The following CAPSL variants were observed in gnomAD, a reference collection of about 807,000 sequenced individuals.
CAPSL encodes the protein calcyphosine like.
A neutral mutation model predicts 21.3 loss-of-function variants in CAPSL; 17 were observed. The observed-to-expected ratio is 0.80, with a 90% confidence interval of 0.55 to 1.20. CAPSL has a LOEUF of 1.20. Ranked by LOEUF, CAPSL falls within the 50% of genes most tolerant of loss-of-function variation. CAPSL has a pLI of 0.00. For synonymous variants in CAPSL, 102 were observed against 89.3 expected (o/e 1.14, Z -0.80); for missense variants, 289 against 259.3 (o/e 1.11, Z -0.79).
At position 35,927,586 on chromosome 5, in the gene CAPSL, T is replaced by C. The variant is rs573575057; in HGVS notation, c.1-6466A>G. ...AAGACAAAACATTCCCTATTTCTTCTAGCTCGGGCTTGATCCTGAGCACTG... is the reference window on the plus strand; with the variant it reads ...AAGACAAAACATTCCCTATTTCTTCCAGCTCGGGCTTGATCCTGAGCACTG... On this transcript the variant is annotated intron_variant, in intron 1 of 4. Coordinates refer to ENST00000651391, the MANE Select transcript of CAPSL (RefSeq NM_001042625.2). 1.1e-4 allele frequency among the ~76,000 whole-genome samples: 17 copies of C among 152,332 alleles called. No homozygotes were observed. In the East Asian group the frequency reaches 2.1e-3, roughly 19 times the overall value.
At chr5:35,921,470 A>C (rs922896342) in intron 1 of CAPSL, among the ~76,000 whole-genome samples, 1 of 152,170 alleles carries the variant, frequency 6.6e-6, no homozygotes, top group South Asian at 2.1e-4. Flanking sequence ...TTTTATGTAG[A>C]ATTTTCCATA....
intron 1 of CAPSL, among the ~76,000 whole-genome samples, chr5:35,928,519 A>G (rs899460168): frequency 7.9e-5 from 12 of 152,120 alleles, no homozygotes; most frequent in African/African-American, 2.4e-4. Context: ...TTGAGTTTGA[A>G]TCAACTGAAT....
intron 1 of CAPSL, among the ~76,000 whole-genome samples, chr5:35,924,742 C>A (rs1303427817): frequency 6.6e-6 from 1 of 152,128 alleles, no homozygotes; most frequent in Non-Finnish European, 1.5e-5. Flanking sequence ...GAGGAGCAAG[C>A]CCTTGAATAG....
Position 35,925,163 on chromosome 5 carries a change from G to T in CAPSL, c.1-4043C>A, listed in dbSNP as rs140813157. ...TCTGCCTTCCACACAGGTCTGCTAA[G>T]AGCTCAGGAAGCGCCATGCACTGTG... On this transcript the variant is annotated intron_variant, in intron 1 of 4. Coordinates refer to ENST00000651391, the MANE Select transcript of CAPSL (RefSeq NM_001042625.2). Among the ~76,000 whole-genome samples, 159 of 152,372 alleles carry T rather than the reference G, an allele frequency of 1.0e-3. 2 individuals carry two copies. The East Asian group carries it at 0.027, about 26-fold the overall frequency.
intron 2 of CAPSL, among the ~76,000 whole-genome samples, chr5:35,919,192 A>ATATATATATATATATATATATATATAT (rs1561439742): frequency 6.5e-5 from 7 of 108,218 alleles, no homozygotes; most frequent in African/African-American, 2.2e-4. Flanking sequence ...TATATATATA[A>ATATATATATATATATATATATATATAT]AAATTGTGAA....
intron 2 of CAPSL, among the ~76,000 whole-genome samples, chr5:35,914,402 A>G (rs1580883821): frequency 6.6e-6 from 1 of 152,216 alleles, no homozygotes; most frequent in Non-Finnish European, 1.5e-5. Context: ...TCAACAGAAT[A>G]TACATTCTTT....
chr5:35,906,234 T>C (rs551471037), intron 4 of CAPSL, among the ~76,000 whole-genome samples: 1 of 152,308 alleles, frequency 6.6e-6, no homozygotes, highest in Non-Finnish European at 1.5e-5. Context: ...GTCTGTTTGT[T>C]GGCCAGGGAT....
At chr5:35,929,906 C>A (rs1738779041) in intron 1 of CAPSL, among the ~76,000 whole-genome samples, 1 of 152,158 alleles carries the variant, frequency 6.6e-6, no homozygotes, top group Non-Finnish European at 1.5e-5. Context: ...TTTACTTAGC[C>A]TCTTCCTCTT....
chr5:35,918,846 G>T (rs1384816951), intron 2 of CAPSL, among the ~76,000 whole-genome samples: 2 of 152,002 alleles, frequency 1.3e-5, no homozygotes, highest in South Asian at 2.1e-4. Context: ...GAACCAGCAA[G>T]AATACTATCA....
At chr5:35,912,977 C>T (rs1282747990) in intron 2 of CAPSL, among the ~76,000 whole-genome samples, 2 of 151,998 alleles carry the variant, frequency 1.3e-5, no homozygotes, top group African/African-American at 2.4e-5. Context: ...ATTAGATGAA[C>T]GTCTAACTAG....
intron 1 of CAPSL, among the ~76,000 whole-genome samples, chr5:35,931,671 A>G (rs1017943369): frequency 6.6e-6 from 1 of 152,222 alleles, no homozygotes; most frequent in Admixed American, 6.5e-5. Context: ...TCGATGCAAC[A>G]TCTTAAAGAA....
chr5:35,912,011 C>T (rs1196850207), intron 2 of CAPSL, among the ~76,000 whole-genome samples: 1 of 152,198 alleles, frequency 6.6e-6, no homozygotes, highest in Non-Finnish European at 1.5e-5. Flanking sequence ...CAGTCCCACC[C>T]TAATACTATG....
At chr5:35,918,482 G>T (rs946460612) in intron 2 of CAPSL, among the ~76,000 whole-genome samples, 1 of 152,108 alleles carries the variant, frequency 6.6e-6, no homozygotes, top group Non-Finnish European at 1.5e-5. Flanking sequence ...GGCTAGGGGA[G>T]GGATAACATT....
chr5:35,911,104 C>T (rs928999244), intron 2 of CAPSL, among the ~76,000 whole-genome samples: 1 of 152,174 alleles, frequency 6.6e-6, no homozygotes, highest in Non-Finnish European at 1.5e-5. Flanking sequence ...AAAGAAATCC[C>T]TACATCCATA....
intron 2 of CAPSL, among the ~76,000 whole-genome samples, chr5:35,912,144 G>C (rs906342882): frequency 3.3e-5 from 5 of 152,194 alleles, no homozygotes; most frequent in African/African-American, 9.7e-5. Context: ...AAACTGCAAA[G>C]CAGCAGCGAG....
intron 2 of CAPSL, among the ~76,000 whole-genome samples, chr5:35,919,168 A>ATTATAT (rs1328263175): frequency 8.8e-6 from 1 of 113,032 alleles, no homozygotes; most frequent in African/African-American, 3.2e-5. Context: ...ATTAAAAAAA[A>ATTATAT]AAATATATAT....
chr5:35,904,715 T>C, intron 4 of CAPSL, 69 bp from the exon 5 acceptor site: 1 of 1,595,802 alleles, frequency 6.3e-7, no homozygotes. Flanking sequence ...GCCCACCTTG[T>C]GCACCTGTAA....
Position 35,909,855 on chromosome 5 carries a change from C to G in CAPSL, c.525+11G>C. The G allele has an allele frequency of 6.2e-7, 1 of 1,601,968 alleles. No individual in the cohort carries two copies. The highest frequency in any genetic ancestry group is 8.5e-7 in the Non-Finnish European group (1 of 1,176,208). ...GAAGAAATTTCCCCTAGATTAGGCT[C>G]TTTTACTTACCAATCCATCTTTGTC... On this transcript the variant is annotated intron_variant, in intron 4 of 4. Transcript: ENST00000651391.
chr5:35,934,217 G>T (rs771572625), intron 1 of CAPSL, among the ~76,000 whole-genome samples: 1 of 152,128 alleles, frequency 6.6e-6, no homozygotes, highest in Non-Finnish European at 1.5e-5. Context: ...GTTATTCCAC[G>T]AGCTAAACAC....
Sources: allele counts gnomAD v4.1 joint callset (sites outside exome capture counted in the v4.1 genomes callset), GRCh38; gene constraint gnomAD v4.1.1; transcripts MANE v1.5; gene names NCBI Gene and HGNC (gene_info 2026-07-23, HGNC 2026-07-21).